KCND2: variants seen among roughly 807,000 people sequenced by gnomAD.
KCND2 encodes A-type voltage-gated potassium channel KCND2.
A neutral mutation model predicts 54.4 loss-of-function variants in KCND2; 16 were observed. The ratio of observed to expected loss-of-function variants is 0.29; its 90% CI spans 0.20 to 0.45. The LOEUF is 0.45. Among genes scored for constraint, KCND2 ranks in the 20% least tolerant of loss-of-function variants. KCND2 has a pLI of 1.00. For missense variants in KCND2, 486 were observed against 824.2 expected (o/e 0.59, Z 5.02); for synonymous variants, 317 against 310.7 (o/e 1.02, Z -0.21).
At chr7:120,689,580 TTTTTGGA>T (rs1349678992) in intron 1 of KCND2, among the ~76,000 whole-genome samples, 1 of 152,192 alleles carries the variant, frequency 6.6e-6, no homozygotes, top group Non-Finnish European at 1.5e-5. Flanking sequence ...CTTTATTTTA[TTTTTGGA>T]TCAATAATCT....
intron 1 of KCND2, among the ~76,000 whole-genome samples, chr7:120,511,558 G>A (rs1181723043): frequency 2.0e-5 from 3 of 152,096 alleles, no homozygotes; most frequent in African/African-American, 4.8e-5. Context: ...CTTTGGTGAT[G>A]TATACATCCC....
chr7:120,319,048 T>C (rs1183787585), intron 1 of KCND2, among the ~76,000 whole-genome samples: 3 of 152,102 alleles, frequency 2.0e-5, no homozygotes, highest in Admixed American at 6.6e-5. Context: ...CTTTCACCTA[T>C]TACTTCTCAC....
At chr7:120,280,355 C>T (rs910703058) in intron 1 of KCND2, among the ~76,000 whole-genome samples, 32 of 151,948 alleles carry the variant, frequency 2.1e-4, no homozygotes, top group African/African-American at 7.7e-4. Flanking sequence ...GTTAATCCAG[C>T]CTGTAGTACT....
chr7:120,377,382 A>G (rs1800848217), intron 1 of KCND2, among the ~76,000 whole-genome samples: 1 of 151,944 alleles, frequency 6.6e-6, no homozygotes, highest in Non-Finnish European at 1.5e-5. Flanking sequence ...AGTTTTGACA[A>G]CCAGAAAGAG....
chr7:120,338,922 C>G (rs1243308128), intron 1 of KCND2, among the ~76,000 whole-genome samples: 1 of 152,012 alleles, frequency 6.6e-6, no homozygotes, highest in Non-Finnish European at 1.5e-5. Flanking sequence ...CTCTGGTGCC[C>G]AGGCTGGAGT....
chr7:120,470,385 C>T (rs1256039470), intron 1 of KCND2, among the ~76,000 whole-genome samples: 1 of 152,088 alleles, frequency 6.6e-6, no homozygotes, highest in South Asian at 2.1e-4. Context: ...ATTTTCTACT[C>T]TGCTATCAAG....
intron 1 of KCND2, among the ~76,000 whole-genome samples, chr7:120,410,744 T>C (rs1176841322): frequency 1.4e-5 from 2 of 137,942 alleles, no homozygotes; most frequent in African/African-American, 5.4e-5. Flanking sequence ...CCCCATCCTG[T>C]ATCCAAGTCT....
chr7:120,568,785 A>T (rs1792329280), intron 1 of KCND2, among the ~76,000 whole-genome samples: 1 of 152,144 alleles, frequency 6.6e-6, no homozygotes, highest in South Asian at 2.1e-4. Flanking sequence ...TGAGGATAAA[A>T]CAAGTTAATT....
At chr7:120,313,433 A>G (rs542885041) in intron 1 of KCND2, among the ~76,000 whole-genome samples, 2 of 152,216 alleles carry the variant, frequency 1.3e-5, no homozygotes, top group East Asian at 3.9e-4. Context: ...TTGTTATTCA[A>G]TTTTTTTGTG....
intron 1 of KCND2, among the ~76,000 whole-genome samples, chr7:120,505,236 A>T (rs562320003): frequency 5.7e-4 from 87 of 151,744 alleles, no homozygotes; most frequent in Non-Finnish European, 1.1e-3. Flanking sequence ...AGATAACAAC[A>T]TTCTGTAACC....
intron 1 of KCND2, among the ~76,000 whole-genome samples, chr7:120,467,864 A>G (rs1405658911): frequency 6.6e-6 from 1 of 152,122 alleles, no homozygotes; most frequent in African/African-American, 2.4e-5. Flanking sequence ...AGACAATGAA[A>G]GTTAGCTCCC....
At chr7:120,381,892 T>A (rs374306163) in intron 1 of KCND2, among the ~76,000 whole-genome samples, 1 of 152,050 alleles carries the variant, frequency 6.6e-6, no homozygotes, top group East Asian at 1.9e-4. Context: ...AAGTAATTTC[T>A]TATGAGGTTT....
intron 1 of KCND2, among the ~76,000 whole-genome samples, chr7:120,458,846 T>C (rs1382843646): frequency 6.6e-6 from 1 of 150,644 alleles, no homozygotes; most frequent in Non-Finnish European, 1.5e-5. Flanking sequence ...ATAATAATTA[T>C]TATTATTATA....
chr7:120,375,332 T>C (rs1459934739), intron 1 of KCND2, among the ~76,000 whole-genome samples: 1 of 151,868 alleles, frequency 6.6e-6, no homozygotes. Context: ...AGAACTTCCA[T>C]CCATGCCACT....
intron 1 of KCND2, among the ~76,000 whole-genome samples, chr7:120,480,608 G>T (rs1802594045): frequency 6.6e-6 from 1 of 152,188 alleles, no homozygotes; most frequent in Non-Finnish European, 1.5e-5. Flanking sequence ...GTTCTCTGGA[G>T]AGTGGATTCC....
intron 1 of KCND2, among the ~76,000 whole-genome samples, chr7:120,297,129 C>T (rs1376922060): frequency 5.9e-5 from 9 of 151,974 alleles, no homozygotes; most frequent in Non-Finnish European, 8.8e-5. Context: ...ACCCACATCA[C>T]GTACATTGTA....
At chr7:120,600,018 A>G (rs1792794863) in intron 1 of KCND2, among the ~76,000 whole-genome samples, 1 of 151,374 alleles carries the variant, frequency 6.6e-6, no homozygotes, top group African/African-American at 2.4e-5. Flanking sequence ...GTGAATTTTG[A>G]CATTTTTCCC....
chr7:120,430,952 A>G (rs1801781063), intron 1 of KCND2, among the ~76,000 whole-genome samples: 1 of 151,388 alleles, frequency 6.6e-6, no homozygotes, highest in Admixed American at 6.6e-5. Flanking sequence ...ATTTCTGTAC[A>G]AATATCTAAT....
intron 1 of KCND2, among the ~76,000 whole-genome samples, chr7:120,368,318 A>G (rs1275585561): frequency 1.3e-5 from 2 of 151,966 alleles, no homozygotes; most frequent in Admixed American, 6.6e-5. Context: ...TTTTTAATGT[A>G]AGTTTCTTGG....
Sources: allele counts gnomAD v4.1 joint callset (sites outside exome capture counted in the v4.1 genomes callset), GRCh38; gene constraint gnomAD v4.1.1; transcripts MANE v1.5; gene names NCBI Gene and HGNC (gene_info 2026-07-23, HGNC 2026-07-21).